UBE2E2: variants seen among roughly 807,000 people sequenced by gnomAD.
UBE2E2 encodes the protein ubiquitin-conjugating enzyme E2 E2.
A neutral mutation model predicts 24.7 loss-of-function variants in UBE2E2; 6 were observed. The observed-to-expected ratio is 0.24, with a 90% confidence interval of 0.13 to 0.48. The LOEUF (loss-of-function observed/expected upper bound fraction) is 0.48, where lower values mean the gene tolerates loss of function less well. Ranked by LOEUF, UBE2E2 falls within the 20% of genes least tolerant of loss-of-function variation. UBE2E2 has a pLI of 0.99. For synonymous variants in UBE2E2, 104 were observed against 83.6 expected, an observed-to-expected ratio of 1.24 and a Z score of -1.33; for missense variants, 169 against 245.0, an observed-to-expected ratio of 0.69 and a Z score of 2.07.
intron 3 of UBE2E2, among the ~76,000 whole-genome samples, chr3:23,469,156 A>G (rs1698981824): frequency 6.6e-6 from 1 of 152,176 alleles, no homozygotes; most frequent in African/African-American, 2.4e-5. Flanking sequence ...GTTCTGGGTT[A>G]CAGACTACCA....
Position 23,474,994 on chromosome 3 carries a change from T to A in UBE2E2, c.228-24614T>A, listed in dbSNP as rs1018124258. 6.6e-6 allele frequency among the ~76,000 whole-genome samples: 1 copy of A among 152,120 alleles called. No homozygotes were observed. Among genetic ancestry groups the A allele is most frequent in the Admixed American group, 6.5e-5 (1 of 15,288 alleles). On this transcript the variant is annotated intron_variant, in intron 3 of 5. Transcript: ENST00000396703. This position sits in a 1 kb window ranked among gnomAD's most constrained non-coding sequence, Gnocchi z 4.0. ...CTCAAAGTCACCAACTGCATTTTGC[T>A]GAAAGTGATAGAACTTTCTCCATGT...
chr3:23,215,009 T>G (rs1696436897), intron 2 of UBE2E2, among the ~76,000 whole-genome samples: 3 of 152,150 alleles, frequency 2.0e-5, no homozygotes, highest in Admixed American at 6.5e-5. Flanking sequence ...TGCTTACCTA[T>G]TCTTCCTTTC....
At chr3:23,570,368 C>T (rs1160390863) in intron 5 of UBE2E2, among the ~76,000 whole-genome samples, 2 of 152,108 alleles carry the variant, frequency 1.3e-5, no homozygotes, top group Non-Finnish European at 2.9e-5. Flanking sequence ...ATGTTGAAGA[C>T]CTAGCCTAGA....
intron 3 of UBE2E2, among the ~76,000 whole-genome samples, chr3:23,238,246 T>C (rs890466129): frequency 6.6e-6 from 1 of 152,324 alleles, no homozygotes; most frequent in Non-Finnish European, 1.5e-5. Context: ...AAAAGCCTGC[T>C]GAGCACTTTC....
chr3:23,470,677 ATCT>A (rs1559393828), intron 3 of UBE2E2, among the ~76,000 whole-genome samples: 2 of 152,206 alleles, frequency 1.3e-5, no homozygotes, highest in Non-Finnish European at 2.9e-5. Flanking sequence ...GCCACAGTTG[ATCT>A]TCTGGCAGCA....
At chr3:23,409,303 C>T (rs554143622) in intron 3 of UBE2E2, among the ~76,000 whole-genome samples, 11 of 152,240 alleles carry the variant, frequency 7.2e-5, no homozygotes, top group East Asian at 3.9e-4. Context: ...AGAAAGAAAA[C>T]GTTCCATGGC....
At chr3:23,312,657 T>C (rs551945481) in intron 3 of UBE2E2, among the ~76,000 whole-genome samples, 102 of 152,302 alleles carry the variant, frequency 6.7e-4, no homozygotes, top group African/African-American at 2.4e-3. Context: ...TAATTTCTTC[T>C]ACTAAATTTG....
intron 3 of UBE2E2, among the ~76,000 whole-genome samples, chr3:23,228,803 A>C (rs1187261884): frequency 6.6e-6 from 1 of 152,222 alleles, no homozygotes; most frequent in Admixed American, 6.5e-5. Flanking sequence ...TAAAACGTTT[A>C]ATAGAATCAG....
At chr3:23,347,741 T>A (rs952302030) in intron 3 of UBE2E2, among the ~76,000 whole-genome samples, 4 of 152,144 alleles carry the variant, frequency 2.6e-5, no homozygotes, top group African/African-American at 7.2e-5. Flanking sequence ...ATTTATCAGC[T>A]ACAAAAGGGG....
chr3:23,584,978 G>A (rs944338025), intron 5 of UBE2E2, among the ~76,000 whole-genome samples: 3 of 152,162 alleles, frequency 2.0e-5, no homozygotes, highest in Non-Finnish European at 4.4e-5. Flanking sequence ...GATAGAGGAA[G>A]TAGAGGTGAG....
At chr3:23,466,204 G>A (rs1325434194) in intron 3 of UBE2E2, among the ~76,000 whole-genome samples, 1 of 152,162 alleles carries the variant, frequency 6.6e-6, no homozygotes, top group Non-Finnish European at 1.5e-5. Context: ...ATTTTTTAAA[G>A]TTGAGGTTAA....
At chr3:23,480,793 C>G (rs544783706) in intron 3 of UBE2E2, among the ~76,000 whole-genome samples, 1 of 152,056 alleles carries the variant, frequency 6.6e-6, no homozygotes, top group African/African-American at 2.4e-5. Context: ...GTTTTTTGAA[C>G]AGAAATAGAG....
chr3:23,283,830 C>T (rs1698542919), intron 3 of UBE2E2, among the ~76,000 whole-genome samples: 1 of 145,326 alleles, frequency 6.9e-6, no homozygotes, highest in African/African-American at 2.6e-5. Context: ...ATGCAGATTA[C>T]CAGGCTCCAT....
At chr3:23,405,247 G>A (rs1324739674) in intron 3 of UBE2E2, among the ~76,000 whole-genome samples, 1 of 152,146 alleles carries the variant, frequency 6.6e-6, no homozygotes, top group Non-Finnish European at 1.5e-5. Context: ...AAGCATTTAT[G>A]CCTCTGAGCC....
intron 3 of UBE2E2, among the ~76,000 whole-genome samples, chr3:23,484,272 G>C (rs1403232713): frequency 1.3e-5 from 2 of 152,112 alleles, no homozygotes; most frequent in African/African-American, 4.8e-5. Flanking sequence ...CTTTTATGAA[G>C]CCTTTCCCTG....
intron 5 of UBE2E2, among the ~76,000 whole-genome samples, chr3:23,551,497 TG>T (rs1303517371): frequency 5.9e-5 from 9 of 152,336 alleles, no homozygotes; most frequent in African/African-American, 1.7e-4. Flanking sequence ...GCTAGTAACT[TG>T]GGGCTACTAT....
chr3:23,431,294 T>C (rs1698054633), intron 3 of UBE2E2, among the ~76,000 whole-genome samples: 1 of 152,146 alleles, frequency 6.6e-6, no homozygotes, highest in Admixed American at 6.5e-5. Context: ...ATGAATCTGT[T>C]TGCTAAGGAT....
At chr3:23,205,659 T>C (rs906734333) in intron 1 of UBE2E2, among the ~76,000 whole-genome samples, 5 of 152,210 alleles carry the variant, frequency 3.3e-5, no homozygotes, top group Non-Finnish European at 5.9e-5. Flanking sequence ...GATGGACTTA[T>C]CATTTGTAGG....
At chr3:23,266,713 A>G (rs1046114569) in intron 3 of UBE2E2, among the ~76,000 whole-genome samples, 3 of 152,194 alleles carry the variant, frequency 2.0e-5, no homozygotes, top group African/African-American at 7.2e-5. Context: ...CGTAATAGAC[A>G]TCTACAGAAC....
Sources: allele counts gnomAD v4.1 joint callset (sites outside exome capture counted in the v4.1 genomes callset), GRCh38; gene constraint gnomAD v4.1.1; non-coding constraint Gnocchi (gnomAD v3.1); transcripts MANE v1.5; gene names NCBI Gene and HGNC (gene_info 2026-07-23, HGNC 2026-07-21).